Variants in NEK11 observed in about 807,000 individuals in gnomAD.
NEK11 encodes the protein serine/threonine-protein kinase Nek11.
A neutral mutation model predicts 80.7 loss-of-function variants in NEK11; 72 were observed. That is an observed-to-expected ratio of 0.89 (90% CI 0.74 to 1.08). The LOEUF (loss-of-function observed/expected upper bound fraction) is 1.08. Among genes scored for constraint, NEK11 ranks in the 50% least tolerant of loss-of-function variants. NEK11 has a pLI of 0.00. For synonymous variants in NEK11, 251 were observed against 260.7 expected, an observed-to-expected ratio of 0.96 and a Z score of 0.36; for missense variants, 764 against 763.6, an observed-to-expected ratio of 1.00 and a Z score of -0.01.
At chr3:131,255,758 G>A (rs1461629633) in intron 16 of NEK11, among the ~76,000 whole-genome samples, 2 of 152,262 alleles carry the variant, frequency 1.3e-5, no homozygotes, top group East Asian at 1.9e-4. Flanking sequence ...TGGCCTCTGA[G>A]AATATTTCAG....
intron 4 of NEK11, among the ~76,000 whole-genome samples, chr3:131,106,802 T>C (rs1435323342): frequency 6.6e-6 from 1 of 152,192 alleles, no homozygotes; most frequent in Non-Finnish European, 1.5e-5. Flanking sequence ...ATTCATAACA[T>C]ACATACTGAC....
At chr3:131,204,057 G>T (rs2094365376) in intron 14 of NEK11, among the ~76,000 whole-genome samples, 1 of 151,872 alleles carries the variant, frequency 6.6e-6, no homozygotes, top group African/African-American at 2.4e-5. Flanking sequence ...GCTTTGCTAG[G>T]TTTAGATCTT....
intron 3 of NEK11, among the ~76,000 whole-genome samples, chr3:131,052,408 A>C (rs1029679261): frequency 1.3e-5 from 2 of 152,204 alleles, no homozygotes; most frequent in East Asian, 3.8e-4. Flanking sequence ...TTTTAAGATA[A>C]AACATAACAT....
At chr3:131,160,663 A>G (rs1342941659) in intron 10 of NEK11, among the ~76,000 whole-genome samples, 5 of 152,182 alleles carry the variant, frequency 3.3e-5, no homozygotes, top group Admixed American at 3.3e-4. Context: ...AGGCCCAACT[A>G]TATGCTGTCT....
chr3:131,144,668 C>G (rs1463046688), intron 7 of NEK11, among the ~76,000 whole-genome samples: 1 of 152,120 alleles, frequency 6.6e-6, no homozygotes, highest in Non-Finnish European at 1.5e-5. Context: ...GGTAACCAAA[C>G]ATCTTTTACC....
intron 14 of NEK11, among the ~76,000 whole-genome samples, chr3:131,183,854 C>T (rs1283476937): frequency 1.3e-5 from 2 of 152,150 alleles, no homozygotes; most frequent in Non-Finnish European, 1.5e-5. Flanking sequence ...TTTGAGGAAT[C>T]ACCACACTGT....
intron 16 of NEK11, among the ~76,000 whole-genome samples, chr3:131,272,472 T>A: frequency 8.3e-6 from 1 of 119,986 alleles, no homozygotes; most frequent in African/African-American, 3.3e-5. Context: ...TCTTTTTTTT[T>A]TTTTTTTTTT....
chr3:131,148,102 T>A (rs1383235996), intron 7 of NEK11, among the ~76,000 whole-genome samples: 1 of 151,880 alleles, frequency 6.6e-6, no homozygotes, highest in Non-Finnish European at 1.5e-5. Context: ...TATAGAATGC[T>A]TTTTTTGCAT....
intron 14 of NEK11, among the ~76,000 whole-genome samples, chr3:131,198,508 T>C (rs1478258287): frequency 6.6e-6 from 1 of 152,220 alleles, no homozygotes; most frequent in Non-Finnish European, 1.5e-5. Context: ...GAGTATGCCA[T>C]TCACATCATG....
chr3:131,256,884 T>A (rs978366875), intron 16 of NEK11, among the ~76,000 whole-genome samples: 1 of 152,080 alleles, frequency 6.6e-6, no homozygotes, highest in African/African-American at 2.4e-5. Context: ...CTGGGCACAG[T>A]TTTTAGACTG....
intron 7 of NEK11, 78 bp from the exon 8 acceptor site, chr3:131,152,310 C>T (rs1579165382): frequency 7.7e-7 from 1 of 1,301,158 alleles, no homozygotes; most frequent in Non-Finnish European, 1.1e-6. Context: ...TGCCCCAACA[C>T]ATCTGAGGTT....
chr3:131,340,282 C>A (rs560019722), intron 17 of NEK11, among the ~76,000 whole-genome samples: 5 of 152,122 alleles, frequency 3.3e-5, no homozygotes, highest in Non-Finnish European at 7.3e-5. Flanking sequence ...GTTCTTTATA[C>A]TATTCCTGTA....
chr3:131,310,873 G>A (rs1016880587), intron 17 of NEK11, among the ~76,000 whole-genome samples: 20 of 152,166 alleles, frequency 1.3e-4, no homozygotes, highest in Admixed American at 1.1e-3. Flanking sequence ...TACCCTTGAC[G>A]GGATGTCTGA....
chr3:131,103,423 G>A (rs2078693618), intron 4 of NEK11, among the ~76,000 whole-genome samples: 1 of 152,146 alleles, frequency 6.6e-6, no homozygotes, highest in Non-Finnish European at 1.5e-5. Context: ...TCTTATAGGG[G>A]GTTATATTAG....
At chr3:131,158,162 C>T (rs572238559) in intron 10 of NEK11, among the ~76,000 whole-genome samples, 33 of 152,186 alleles carry the variant, frequency 2.2e-4, no homozygotes, top group African/African-American at 7.5e-4. Flanking sequence ...AGTGCAGCCA[C>T]GGGTGTCTTG....
intron 3 of NEK11, among the ~76,000 whole-genome samples, chr3:131,067,957 T>C (rs2072352377): frequency 6.6e-6 from 1 of 152,214 alleles, no homozygotes; most frequent in South Asian, 2.1e-4. Context: ...CAGGAGGGCA[T>C]GTAGTCCACT....
At chr3:131,062,612 A>T (rs1439448418) in intron 3 of NEK11, among the ~76,000 whole-genome samples, 1 of 152,214 alleles carries the variant, frequency 6.6e-6, no homozygotes, top group Non-Finnish European at 1.5e-5. Flanking sequence ...GCAAATACTG[A>T]TATGCTTCTG....
At chr3:131,144,113 G>A (rs993249979) in intron 7 of NEK11, among the ~76,000 whole-genome samples, 3 of 152,106 alleles carry the variant, frequency 2.0e-5, no homozygotes. Context: ...AGTTACATTT[G>A]TGATTTATTA....
chr3:131,284,430 G>T (rs2096445473), intron 17 of NEK11, among the ~76,000 whole-genome samples: 1 of 152,064 alleles, frequency 6.6e-6, no homozygotes, highest in Non-Finnish European at 1.5e-5. Context: ...TGTCTCTATT[G>T]TCCCCATTCT....
Sources: gnomAD v4.1 joint callset for allele counts (sites outside exome capture counted in the v4.1 genomes callset) on GRCh38, gnomAD v4.1.1 for gene constraint, MANE v1.5 for transcripts, NCBI Gene and HGNC (gene_info 2026-07-23, HGNC 2026-07-21) for gene names.